PCDHGA3: variants seen among roughly 807,000 people sequenced by gnomAD.
PCDHGA3 encodes the protein protocadherin gamma subfamily A, 3.
In PCDHGA3, 40 loss-of-function variants were observed where a neutral mutation model predicts 58.5. The observed-to-expected ratio is 0.68, with a 90% CI of 0.53 to 0.89. PCDHGA3 has a LOEUF of 0.89. PCDHGA3 is among the 40% of genes least tolerant of loss of function. PCDHGA3 has a pLI of 0.00. For missense variants in PCDHGA3, 1,223 were observed against 1,195.9 expected (o/e 1.02, Z -0.33); for synonymous variants, 530 against 525.7 (o/e 1.01, Z -0.11).
At chr5:141,389,918 C>T (rs1341057088) in intron 1 of PCDHGA3, 1 of 1,614,086 alleles carries the variant, frequency 6.2e-7, no homozygotes, top group Non-Finnish European at 8.5e-7. Context: ...ACCGCCCCGA[C>T]CCCTCTGACC....
At chr5:141,464,995 G>A (rs1330469198) in intron 1 of PCDHGA3, among the ~76,000 whole-genome samples, 1 of 151,962 alleles carries the variant, frequency 6.6e-6, no homozygotes, top group East Asian at 1.9e-4. Context: ...TCCCACCTCA[G>A]CCTCCCAAAG....
rs1374646530 is a variant in PCDHGA3, at chr5:141,431,339, T to C, written c.2425-63468T>C. ...AGCCGACGGTAGTAAGTACCCCGAA[T>C]TGGTGCTGAAACGCGCCCTGGACCG... On this transcript the variant is annotated intron_variant, in intron 1 of 3. Coordinates refer to ENST00000253812, the MANE Select transcript of PCDHGA3 (RefSeq NM_018916.4). This position sits in a 1 kb window ranked among gnomAD's most constrained non-coding sequence, Gnocchi z 4.8. 1 of 1,614,060 alleles carries C rather than the reference T, an allele frequency of 6.2e-7. No individual in the cohort carries two copies. The highest frequency in any genetic ancestry group is 8.5e-7 in the Non-Finnish European group (1 of 1,180,024).
At chr5:141,358,446 A>G (rs931369328) in intron 1 of PCDHGA3, among the ~76,000 whole-genome samples, 3 of 152,192 alleles carry the variant, frequency 2.0e-5, no homozygotes, top group Non-Finnish European at 2.9e-5. Flanking sequence ...GGCAACGTCA[A>G]TTTAAGAATA....
intron 1 of PCDHGA3, chr5:141,415,740 G>GTTTTTTGT (rs2095911797): frequency 1.9e-6 from 1 of 515,998 alleles, no homozygotes; most frequent in East Asian, 8.3e-5. Flanking sequence ...GTTTATTAAG[G>GTTTTTTGT]TTTTTTTTTT....
At chr5:141,364,448 G>A in intron 1 of PCDHGA3, 1 of 1,613,978 alleles carries the variant, frequency 6.2e-7, no homozygotes, top group Non-Finnish European at 8.5e-7. Flanking sequence ...GGAGGAGCTG[G>A]ACAAAGGCTC....
chr5:141,408,597 A>G (rs1389452276), intron 1 of PCDHGA3: 1 of 1,614,042 alleles, frequency 6.2e-7, no homozygotes, highest in Non-Finnish European at 8.5e-7. Context: ...CACGCCCCTC[A>G]ATTTGATAAA....
chr5:141,356,520 G>T, intron 1 of PCDHGA3: 1 of 1,613,802 alleles, frequency 6.2e-7, no homozygotes, highest in South Asian at 1.1e-5. Context: ...ATATTTCACT[G>T]CAAGTGATGG....
Position 141,432,741 on chromosome 5 carries a change from C to A in PCDHGA3, c.2425-62066C>A. 6.2e-7 allele frequency: 1 copy of A among 1,614,106 alleles called. No individual in the cohort carries two copies. The highest frequency in any genetic ancestry group is 8.5e-7 in the Non-Finnish European group (1 of 1,179,988). On this transcript the variant is annotated intron_variant, in intron 1 of 3. Transcript: ENST00000253812. The surrounding 1 kb of genome is among the most constrained non-coding windows in gnomAD (Gnocchi z 6.0). ...CCTCTCTCCGCCACTGTCACGCTCA[C>A]CGTGGCCGTGGCCGACAGCATCCCC...
intron 1 of PCDHGA3, chr5:141,371,090 C>A (rs764906419): frequency 8.7e-6 from 14 of 1,613,702 alleles, no homozygotes; most frequent in Non-Finnish European, 1.2e-5. Context: ...GGGTAATTGT[C>A]GCAGATGCAA....
intron 1 of PCDHGA3, chr5:141,360,702 T>C: frequency 6.2e-7 from 1 of 1,613,942 alleles, no homozygotes; most frequent in Non-Finnish European, 8.5e-7. Context: ...CAGATGGTCG[T>C]AAATATCCTG....
intron 2 of PCDHGA3, among the ~76,000 whole-genome samples, chr5:141,503,994 A>C (rs1330628079): frequency 6.6e-6 from 1 of 152,158 alleles, no homozygotes; most frequent in Non-Finnish European, 1.5e-5. Context: ...CTTACCTTAC[A>C]GTCACTTAAC....
At position 141,347,786 on chromosome 5, in the gene PCDHGA3, C is replaced by CA. The variant is rs1186221035; in HGVS notation, c.2424+1344dup. ...GGGGCAATAGAGAGAGACTCCATCT[C>CA]AAAAAAAAAAAAAAAGTAGAGGCTG... On this transcript the variant is annotated intron_variant, in intron 1 of 3. Transcript: ENST00000253812. Among the ~76,000 whole-genome samples, 544 of 106,172 alleles carry CA rather than the reference C, an allele frequency of 5.1e-3. 4 individuals carry two copies. The highest frequency in any genetic ancestry group is 0.022 in the East Asian group (83 of 3,724). 69.7% of individuals were successfully genotyped at this position (106,172 alleles called of 152,430 possible). A position where few individuals can be genotyped will look rare whatever the true frequency, so the allele number is the denominator to read the frequency against.
In PCDHGA3 at chr5:141,379,822, T is replaced by C. The variant is rs186939729; in HGVS notation, c.2424+33365T>C. ...GGTTTTGAGAGTTCAGTATAGAATT[T>C]TGAAGCATCAGGAAAAAAAACTACC... On this transcript the variant is annotated intron_variant, in intron 1 of 3. Transcript: ENST00000253812. Among the ~76,000 whole-genome samples, 5 of 150,884 alleles carry C rather than the reference T, an allele frequency of 3.3e-5. No individual in the cohort carries two copies. In the East Asian group the frequency reaches 9.7e-4, roughly 29 times the overall value.
At chr5:141,374,384 C>T (rs781113576) in intron 1 of PCDHGA3, 4 of 1,613,962 alleles carry the variant, frequency 2.5e-6, no homozygotes, top group East Asian at 2.2e-5. Flanking sequence ...TCAGAGCCCG[C>T]GGTGTCTGGT....
intron 1 of PCDHGA3, chr5:141,427,797 G>T: frequency 6.6e-7 from 1 of 1,505,306 alleles, no homozygotes; most frequent in Non-Finnish European, 9.1e-7. Flanking sequence ...CTACGTGTCC[G>T]TGAGCGCACA....
rs2099394683 is a variant in PCDHGA3, at chr5:141,476,602, C to G, written c.2425-18205C>G. 2.5e-6 allele frequency: 4 copies of G among 1,614,208 alleles called. No individual in the cohort carries two copies. The highest frequency in any genetic ancestry group is 2.2e-5 in the East Asian group (1 of 44,862). Reference sequence around the variant, plus strand: ...TTCCGCTCGAGAGCGCGCACGATCCCGATGTGGGAAGCAACTCTTTACAAA... The same window carrying G: ...TTCCGCTCGAGAGCGCGCACGATCCGGATGTGGGAAGCAACTCTTTACAAA... On this transcript the variant is annotated intron_variant, in intron 1 of 3. Transcript: ENST00000253812. This position sits in a 1 kb window ranked among gnomAD's most constrained non-coding sequence, Gnocchi z 7.6.
At chr5:141,435,902 A>G (rs896786345) in intron 1 of PCDHGA3, among the ~76,000 whole-genome samples, 1 of 152,194 alleles carries the variant, frequency 6.6e-6, no homozygotes, top group Non-Finnish European at 1.5e-5. Flanking sequence ...AATGAAAGAC[A>G]TCCAAGGGCT....
Position 141,489,119 on chromosome 5 carries a change from C to T in PCDHGA3, c.2425-5688C>T, listed in dbSNP as rs1236074950. The T allele has an allele frequency of 2.0e-5, 13 of 650,240 alleles. No individual in the cohort carries two copies. Among genetic ancestry groups the T allele is most frequent in the African/African-American group, 9.1e-5 (5 of 55,178 alleles). 40.3% of individuals were successfully genotyped at this position (650,240 alleles called of 1,614,324 possible). ...GAACTGCTGCAAGCAGGCAAACCTC[C>T]GAGCAGTTTTTAAGAGGCTGGAAGG... On this transcript the variant is annotated intron_variant, in intron 1 of 3. Coordinates refer to ENST00000253812, the MANE Select transcript of PCDHGA3 (RefSeq NM_018916.4). This position sits in a 1 kb window ranked among gnomAD's most constrained non-coding sequence, Gnocchi z 4.5.
intron 1 of PCDHGA3, chr5:141,394,424 C>G (rs781695042): frequency 6.2e-7 from 1 of 1,614,222 alleles, no homozygotes; most frequent in East Asian, 2.2e-5. Flanking sequence ...CCAGCGACAG[C>G]GGGGACCCGC....
Sources: gnomAD v4.1 joint callset for allele counts (sites outside exome capture counted in the v4.1 genomes callset) on GRCh38, gnomAD v4.1.1 for gene constraint, Gnocchi (gnomAD v3.1) non-coding constraint, MANE v1.5 for transcripts, NCBI Gene and HGNC (gene_info 2026-07-23, HGNC 2026-07-21) for gene names.